The following CHLSN variants were observed in gnomAD, a reference collection of about 807,000 sequenced individuals.
The protein encoded by CHLSN is protein cholesin.
At chr7:1,037,484 G>C in the CHLSN span, among the ~76,000 whole-genome samples, 1 of 136,398 alleles carries the variant, frequency 7.3e-6, no homozygotes, top group African/African-American at 2.6e-5. Flanking sequence ...AACCGCGAGT[G>C]ATCCCGCCAA....
the CHLSN span, chr7:1,058,622 G>C: frequency 1.6e-6 from 1 of 623,166 alleles, no homozygotes; most frequent in African/African-American, 1.8e-5. Context: ...TGCTGGAAGA[G>C]AAGCAGGAGG....
the CHLSN span, chr7:1,055,149 G>A: frequency 6.9e-6 from 3 of 437,870 alleles, no homozygotes; most frequent in Non-Finnish European, 1.4e-5. Flanking sequence ...GAGGCCAGCT[G>A]TGCTCAGTTT....
the CHLSN span, among the ~76,000 whole-genome samples, chr7:1,004,165 C>A: frequency 6.6e-6 from 1 of 152,064 alleles, no homozygotes; most frequent in Non-Finnish European, 1.5e-5. Flanking sequence ...TTAGACAGCC[C>A]CTCGTCGTCT....
chr7:1,108,833 C>T, the CHLSN span, among the ~76,000 whole-genome samples: 2 of 151,890 alleles, frequency 1.3e-5, no homozygotes, highest in East Asian at 1.9e-4. Flanking sequence ...TGGGTCTCTT[C>T]TTTACCACCT....
chr7:1,049,741 C>A, the CHLSN span, among the ~76,000 whole-genome samples: 2 of 152,154 alleles, frequency 1.3e-5, no homozygotes, highest in African/African-American at 2.4e-5. Flanking sequence ...GTCAAGGCAG[C>A]GGCTGGAATC....
At chr7:1,073,840 T>G in the CHLSN span, among the ~76,000 whole-genome samples, 1 of 37,838 alleles carries the variant, frequency 2.6e-5, no homozygotes. Flanking sequence ...GCCGTGATGT[T>G]CCCCCAACCC....
chr7:1,059,682 CG>C, the CHLSN span, among the ~76,000 whole-genome samples: 1 of 19,208 alleles, frequency 5.2e-5, no homozygotes, highest in Non-Finnish European at 1.0e-4. Flanking sequence ...GAGGCGGGTC[CG>C]TAGTGGGGCG....
chr7:1,093,370 A>C, the CHLSN span: 1 of 432,952 alleles, frequency 2.3e-6, no homozygotes, highest in Non-Finnish European at 4.9e-6. Context: ...TGAGCTAGCT[A>C]GCGCACCGCC....
At chr7:1,110,200 G>A in the CHLSN span, among the ~76,000 whole-genome samples, 1 of 152,130 alleles carries the variant, frequency 6.6e-6, no homozygotes, top group Non-Finnish European at 1.5e-5. Flanking sequence ...AAATCCCCAC[G>A]CAGCCGCTCC....
the CHLSN span, chr7:1,075,881 T>C: frequency 6.6e-6 from 1 of 151,792 alleles, no homozygotes; most frequent in Non-Finnish European, 1.5e-5. Flanking sequence ...ATTACAGGCA[T>C]GAGCCAGCGC....
At chr7:1,053,544 C>G in the CHLSN span, among the ~76,000 whole-genome samples, 3 of 152,204 alleles carry the variant, frequency 2.0e-5, no homozygotes, top group Non-Finnish European at 4.4e-5. Flanking sequence ...AAATGTACAC[C>G]TCGCTGGGCA....
At chr7:995,757 C>T in the CHLSN span, among the ~76,000 whole-genome samples, 1 of 152,258 alleles carries the variant, frequency 6.6e-6, no homozygotes, top group South Asian at 2.1e-4. Context: ...TTCACCTGAC[C>T]GACACCAGGA....
At chr7:1,101,598 G>A in the CHLSN span, among the ~76,000 whole-genome samples, 3 of 152,344 alleles carry the variant, frequency 2.0e-5, no homozygotes, top group Middle Eastern at 6.8e-3. Context: ...GATTCTCGCC[G>A]GGATCAGCCT....
At chr7:1,066,522 G>T in the CHLSN span, among the ~76,000 whole-genome samples, 2 of 152,176 alleles carry the variant, frequency 1.3e-5, no homozygotes, top group East Asian at 3.9e-4. Flanking sequence ...CCAGTAAGTT[G>T]GGAAGTCCAG....
At chr7:1,062,647 T>C in the CHLSN span, among the ~76,000 whole-genome samples, 1 of 152,172 alleles carries the variant, frequency 6.6e-6, no homozygotes. Flanking sequence ...CCCTGAGGGC[T>C]TCTGTGGCCC....
the CHLSN span, among the ~76,000 whole-genome samples, chr7:1,136,106 A>G: frequency 3.9e-5 from 3 of 77,292 alleles, no homozygotes; most frequent in Admixed American, 4.5e-4. Context: ...GTGTATATAA[A>G]TATATATACA....
the CHLSN span, among the ~76,000 whole-genome samples, chr7:1,040,824 C>G: frequency 6.6e-6 from 1 of 152,164 alleles, no homozygotes; most frequent in Non-Finnish European, 1.5e-5. Context: ...ACCACACATA[C>G]ACAAAAGCCT....
the CHLSN span, among the ~76,000 whole-genome samples, chr7:1,070,492 C>T: frequency 2.0e-5 from 3 of 150,452 alleles, no homozygotes; most frequent in African/African-American, 7.3e-5. Context: ...CACGGGCACA[C>T]GAATGCACGC....
At chr7:1,080,240 A>C in the CHLSN span, among the ~76,000 whole-genome samples, 1 of 152,244 alleles carries the variant, frequency 6.6e-6, no homozygotes. Context: ...GCTCACATGA[A>C]ACCCTGTATG....
Sources: gnomAD v4.1 joint callset for allele counts (sites outside exome capture counted in the v4.1 genomes callset) on GRCh38, gnomAD v4.1.1 for gene constraint, MANE v1.5 for transcripts, NCBI Gene and HGNC (gene_info 2026-07-23, HGNC 2026-07-21) for gene names.